PAN2: variants seen among roughly 807,000 people sequenced by gnomAD.
The protein encoded by PAN2 is poly(A) specific ribonuclease subunit PAN2, also known as PAN2-PAN3 deadenylation complex catalytic subunit PAN2.
In PAN2, 68 loss-of-function variants were observed where a neutral mutation model predicts 133.3. The observed-to-expected ratio is 0.51, with a 90% CI of 0.42 to 0.62. The LOEUF is 0.62. Among genes scored for constraint, PAN2 ranks in the 20% least tolerant of loss-of-function variants. PAN2 has a pLI of 0.00. For missense variants in PAN2, 1,042 were observed against 1,500.5 expected, an observed-to-expected ratio of 0.69 and a Z score of 5.05; for synonymous variants, 462 against 544.6, an observed-to-expected ratio of 0.85 and a Z score of 2.11.
intron 24 of PAN2, 86 bp from the exon 25 acceptor site, chr12:56,318,520 C>T: frequency 2.0e-6 from 2 of 1,025,166 alleles, no homozygotes; most frequent in Non-Finnish European, 3.0e-6. Context: ...CTCCAGAAAA[C>T]TAAAAAGCCT....
Position 56,333,211 on chromosome 12 carries a change from G to T in PAN2, c.-114-3C>A. 1 of 1,092,890 alleles carries T rather than the reference G, an allele frequency of 9.2e-7. No homozygotes were observed. The highest frequency in any genetic ancestry group is 1.3e-6 in the Non-Finnish European group (1 of 752,416). The allele number at this position is 1,092,890 out of a possible 1,614,324, so 67.7% of individuals were successfully genotyped here. On this transcript the variant is annotated splice_polypyrimidine_tract_variant and splice_region_variant and intron_variant, in intron 1 of 25. Transcript: ENST00000440411. The stretch of plus-strand genomic sequence containing the variant: ...GGGCCTAGAATGGACATCCTGGCCT[G>T]TAAGGGGAAAGAGGTAGCTGAGTCA...
rs1874010490 is a variant in PAN2, at chr12:56,316,996, T to G, written c.*613A>C. On this transcript the variant is annotated 3_prime_UTR_variant, in exon 26 of 26. Coordinates refer to ENST00000440411, the MANE Select transcript of PAN2 (RefSeq NM_014871.6). ...TATAAAACATGCAGTTTACAACAAATTTTTAAAAAATGGAACAAAACTTGG... is the reference window on the plus strand; with the variant it reads ...TATAAAACATGCAGTTTACAACAAAGTTTTAAAAAATGGAACAAAACTTGG... 1 of 152,336 alleles carries G rather than the reference T, an allele frequency of 6.6e-6. No individual in the cohort carries two copies. Among genetic ancestry groups the G allele is most frequent in the African/African-American group, 2.4e-5 (1 of 41,420 alleles). 9.4% of individuals were successfully genotyped at this position (152,336 alleles called of 1,614,324 possible). A position where few individuals can be genotyped will look rare whatever the true frequency, so the allele number is the denominator to read the frequency against.
intron 25 of PAN2, 59 bp downstream of exon 25, chr12:56,318,178 A>G (rs1300709425): frequency 4.1e-6 from 6 of 1,458,212 alleles, no homozygotes; most frequent in Non-Finnish European, 5.8e-6. Flanking sequence ...CCCTGTCACA[A>G]ACAAACAAAA....
In PAN2 at chr12:56,323,240, C is replaced by T. The variant is rs772683665; in HGVS notation, c.2346-31G>A. On this transcript the variant is annotated intron_variant, in intron 16 of 25. Transcript: ENST00000440411. ...AGGTCAGAAGAATTGGAAATTTGTT[C>T]CGAAAGAGGTCTTGATAAGAGGAAC... 8.1e-6 allele frequency: 13 copies of T among 1,613,764 alleles called. No homozygotes were observed. The South Asian group carries it at 1.3e-4, about 16-fold the overall frequency.
chr12:56,319,522 A>C lies in PAN2; in HGVS notation c.3091-35T>G, dbSNP rs1319762840. On this transcript the variant is annotated intron_variant, in intron 22 of 25. Coordinates refer to ENST00000440411, the MANE Select transcript of PAN2 (RefSeq NM_014871.6). This position sits in a 1 kb window ranked among gnomAD's most constrained non-coding sequence, Gnocchi z 5.4. ...GAGAAAAGGACAAGCCTTTTTCAGGAAGTGAGATGGAGTCTTCCCCTATCA... is the reference window on the plus strand; with the variant it reads ...GAGAAAAGGACAAGCCTTTTTCAGGCAGTGAGATGGAGTCTTCCCCTATCA... 5 of 1,600,162 alleles carry C rather than the reference A, an allele frequency of 3.1e-6. No homozygotes were observed. Among genetic ancestry groups the C allele is most frequent in the Non-Finnish European group, 4.3e-6 (5 of 1,172,412 alleles).
intron 18 of PAN2, 52 bp downstream of exon 18, chr12:56,322,563 G>C: frequency 1.2e-6 from 2 of 1,611,146 alleles, no homozygotes; most frequent in South Asian, 2.2e-5. Context: ...ACAGATCTGG[G>C]ACTCACTGTG....
At chr12:56,322,264 T>C (rs915739898) in intron 19 of PAN2, 96 bp from the exon 20 acceptor site, 1 of 1,081,522 alleles carries the variant, frequency 9.2e-7, no homozygotes. Flanking sequence ...CTAGTTTTTG[T>C]TTTTTTTCAG....
intron 8 of PAN2, 120 bp from the exon 9 acceptor site, chr12:56,325,574 C>G: frequency 9.6e-7 from 1 of 1,040,390 alleles, no homozygotes; most frequent in East Asian, 2.4e-5. Context: ...ATAGCACTCT[C>G]AGCATCCGCT....
intron 2 of PAN2, among the ~76,000 whole-genome samples, chr12:56,331,664 A>G (rs61695444): frequency 0.022 from 3,324 of 151,512 alleles, 122 homozygotes; most frequent in African/African-American, 0.076. Context: ...AAAACAATTC[A>G]TGACCAAAGA....
rs1490679414 is a variant in PAN2, at chr12:56,321,915, C to T, written c.2788+163G>A. 4.6e-5 allele frequency among the ~76,000 whole-genome samples: 7 copies of T among 151,718 alleles called. 1 individual carries two copies. In the South Asian group the frequency reaches 6.2e-4, roughly 14 times the overall value. ...TTGCTATGTTGCTCAGGCTGGATTT[C>T]GCACTTCTAAATTTAAGGTCTGATG... On this transcript the variant is annotated intron_variant, in intron 20 of 25. Transcript: ENST00000440411.
chr12:56,321,800 G>A (rs145286577), intron 20 of PAN2, among the ~76,000 whole-genome samples: 6,879 of 150,662 alleles, frequency 0.046, 222 homozygotes, highest in Non-Finnish European at 0.068. Context: ...GCAGTGAGCC[G>A]AGATTGCGCA....
At position 56,318,433 on chromosome 12, in the gene PAN2, G is replaced by C; in HGVS notation, c.3366C>G (p.Asp1122Glu). The change falls in exon 25 of 26, where the codon GAC becomes GAG. Residue 1122 changes from aspartate (D) to glutamate (E), a missense_variant and splice_region_variant. By Grantham distance (45) the Asp-to-Glu change is conservative (BLOSUM62 2). Coordinates refer to ENST00000440411, the MANE Select transcript of PAN2 (RefSeq NM_014871.6). Reference sequence around the variant, plus strand: ...CATGGGTTTCCCCTTGAATCTTCAGGTCTGGGGTAAGTAAAGGTGGAATAG... The same window carrying C: ...CATGGGTTTCCCCTTGAATCTTCAGCTCTGGGGTAAGTAAAGGTGGAATAG... Reference protein sequence around the residue: ...SLRFLAWYFLDLKIQGETHDS... With the variant: ...SLRFLAWYFLELKIQGETHDS... 6.8e-6 allele frequency: 11 copies of C among 1,612,800 alleles called. No homozygotes were observed. The highest frequency in any genetic ancestry group is 9.3e-6 in the Non-Finnish European group (11 of 1,178,812).
chr12:56,328,169 G>C, intron 4 of PAN2, 69 bp downstream of exon 4: 1 of 1,599,498 alleles, frequency 6.3e-7, no homozygotes, highest in Non-Finnish European at 8.5e-7. Flanking sequence ...CACATTACCA[G>C]CCCAAGCATA....
intron 20 of PAN2, 106 bp from the exon 21 acceptor site, chr12:56,320,127 C>G: frequency 9.9e-7 from 1 of 1,009,836 alleles, no homozygotes; most frequent in Non-Finnish European, 1.5e-6. Flanking sequence ...TGTGATCCCT[C>G]AATAATCAAA....
intron 5 of PAN2, 136 bp from the exon 6 acceptor site, chr12:56,327,767 C>A: frequency 8.0e-7 from 1 of 1,247,676 alleles, no homozygotes. Flanking sequence ...AAAAGGCAAA[C>A]AGAGAAGCCC....
Position 56,323,198 on chromosome 12 carries a change from C to T in PAN2, c.2357G>A (p.Gly786Glu). 6.2e-7 allele frequency: 1 copy of T among 1,614,008 alleles called. No individual in the cohort carries two copies. Among genetic ancestry groups the T allele is most frequent in the Non-Finnish European group, 8.5e-7 (1 of 1,180,004 alleles). ...ACACACCAGCACACCCTCTGGACTC[C>T]CTAGTTCCTTCCTATCAGGTCAGAA... ...EFALADWKEL[G>E]SPEGVLVCPS... Residue 786 changes from glycine to glutamate, a missense_variant, in exon 17 of 26, where the codon GGG (glycine) becomes GAG (glutamate). Physicochemically the swap from Gly to Glu is moderately conservative, Grantham distance 98. Coordinates refer to ENST00000440411, the MANE Select transcript of PAN2 (RefSeq NM_014871.6).
chr12:56,329,400 A>C (rs942504158), intron 2 of PAN2, among the ~76,000 whole-genome samples: 1 of 152,012 alleles, frequency 6.6e-6, no homozygotes, highest in Non-Finnish European at 1.5e-5. Flanking sequence ...CAATGGCACG[A>C]TCTCAGCTCA....
chr12:56,322,928 C>T (rs1166513928), intron 17 of PAN2, 134 bp downstream of exon 17: 1 of 1,309,516 alleles, frequency 7.6e-7, no homozygotes, highest in East Asian at 2.3e-5. Flanking sequence ...TATGGAAAAT[C>T]CCCTAACAGG....
chr12:56,323,691 C>T lies in PAN2; in HGVS notation c.2173-93G>A, dbSNP rs898514184. 2.9e-6 allele frequency: 4 copies of T among 1,400,620 alleles called. No homozygotes were observed. In the African/African-American group the frequency reaches 4.2e-5, roughly 15 times the overall value. The allele number at this position is 1,400,620 out of a possible 1,614,324, so 86.8% of individuals were successfully genotyped here. On this transcript the variant is annotated intron_variant, in intron 14 of 25. Transcript: ENST00000440411. The stretch of plus-strand genomic sequence containing the variant: ...GGTCTGCGTCTTCAAACTGGGATTC[C>T]TCACTCCACCAGAGATCCCTGGATG...
Sources: allele counts gnomAD v4.1 joint callset (sites outside exome capture counted in the v4.1 genomes callset), GRCh38; gene constraint gnomAD v4.1.1; non-coding constraint Gnocchi (gnomAD v3.1); transcripts MANE v1.5; gene names NCBI Gene and HGNC (gene_info 2026-07-23, HGNC 2026-07-21).